The following RIPK4 variants were observed in gnomAD, a reference collection of about 807,000 sequenced individuals.
RIPK4 encodes receptor-interacting serine/threonine-protein kinase 4.
A neutral mutation model predicts 42.9 loss-of-function variants in RIPK4; 17 were observed. The observed-to-expected ratio is 0.40, with a 90% CI of 0.27 to 0.59. The LOEUF is 0.59. Among genes scored for constraint, RIPK4 ranks in the 20% least tolerant of loss-of-function variants. RIPK4 has a pLI of 0.47. For synonymous variants in RIPK4, 498 were observed against 499.1 expected, an observed-to-expected ratio of 1.00 and a Z score of 0.03; for missense variants, 897 against 1,104.4, an observed-to-expected ratio of 0.81 and a Z score of 2.66.
chr21:41,749,244 G>A lies in RIPK4; in HGVS notation c.624-41C>T, dbSNP rs182089882. 3.0e-5 allele frequency: 49 copies of A among 1,609,098 alleles called. No homozygotes were observed. In the African/African-American group the frequency reaches 5.1e-4, roughly 17 times the overall value. On this transcript the variant is annotated intron_variant, in intron 3 of 7. Transcript: ENST00000332512. The stretch of plus-strand genomic sequence containing the variant: ...GGCACGTTAGCATCTGACAGCCAGA[G>A]ACTCAAAGCCAAATGCACTCATGCA...
In RIPK4 at chr21:41,740,990, C is replaced by A; in HGVS notation, c.2203G>T (p.Gly735Trp). ...GCGGCCAGGTGCAGCGCGCTGAGCCCCTGCTCGTCGAACAGGTCAATGACA... is the reference window on the plus strand; with the variant it reads ...GCGGCCAGGTGCAGCGCGCTGAGCCACTGCTCGTCGAACAGGTCAATGACA... The part of the protein sequence containing the change: ...ADVIDLFDEQ[G>W]LSALHLAAQG... The change falls in exon 8 of 8, where the codon GGG becomes TGG. Residue 735 changes from glycine to tryptophan, a missense_variant. Transcript: ENST00000332512. 3.1e-6 allele frequency: 5 copies of A among 1,610,996 alleles called. No individual in the cohort carries two copies. The highest frequency in any genetic ancestry group is 3.4e-6 in the Non-Finnish European group (4 of 1,179,746).
chr21:41,766,166 G>A (rs116469528), intron 1 of RIPK4, among the ~76,000 whole-genome samples: 1,621 of 152,322 alleles, frequency 0.011, 25 homozygotes, highest in African/African-American at 0.035. Flanking sequence ...AGTGTGCGGC[G>A]AGGAAGCGCT....
In RIPK4 at chr21:41,746,593, G is replaced by T; in HGVS notation, c.832+20C>A. ...CTGTGACACCCACAGAATGTGGCGG[G>T]GAGACCCCGGGGTGCTCACCTTGGA... On this transcript the variant is annotated intron_variant, in intron 5 of 7. Transcript: ENST00000332512. 6.2e-7 allele frequency: 1 copy of T among 1,601,254 alleles called. No homozygotes were observed. The highest frequency in any genetic ancestry group is 8.5e-7 in the Non-Finnish European group (1 of 1,174,810).
chr21:41,757,805 C>A (rs147381309), intron 1 of RIPK4, among the ~76,000 whole-genome samples: 13,182 of 150,926 alleles, frequency 0.087, 884 homozygotes, highest in East Asian at 0.32. Context: ...TCGAGACCAG[C>A]CTGATCAACA....
At chr21:41,749,675 C>A (rs1301575625) in intron 3 of RIPK4, among the ~76,000 whole-genome samples, 2 of 152,148 alleles carry the variant, frequency 1.3e-5, no homozygotes, top group Admixed American at 6.5e-5. Context: ...GCGTTCCTAA[C>A]GTAGGCTTGC....
In RIPK4 at chr21:41,749,848, T is replaced by C. The variant is rs1414800094; in HGVS notation, c.624-645A>G. Among the ~76,000 whole-genome samples, 39 of 144,220 alleles carry C rather than the reference T, an allele frequency of 2.7e-4. No homozygotes were observed. The Admixed American group carries it at 2.8e-3, about 10-fold the overall frequency. The allele number at this position is 144,220 out of a possible 152,430, so 94.6% of individuals were successfully genotyped here. On this transcript the variant is annotated intron_variant, in intron 3 of 7. Coordinates refer to ENST00000332512, the MANE Select transcript of RIPK4 (RefSeq NM_020639.3). The stretch of plus-strand genomic sequence containing the variant: ...AGATAATATGAGGGATACGTTCATG[T>C]ACATTACTCTGGATACACCAAAAAA...
intron 2 of RIPK4, among the ~76,000 whole-genome samples, chr21:41,754,283 G>A (rs925563979): frequency 2.0e-5 from 3 of 152,124 alleles, no homozygotes; most frequent in Non-Finnish European, 2.9e-5. Flanking sequence ...TGCACTCTAC[G>A]CACACCAGTA....
chr21:41,750,718 TGCCCAGGCTG>T (rs2061186004), intron 3 of RIPK4, among the ~76,000 whole-genome samples: 1 of 152,194 alleles, frequency 6.6e-6, no homozygotes, highest in Non-Finnish European at 1.5e-5. Flanking sequence ...CGCGCTCTGT[TGCCCAGGCTG>T]GAATGCAGTG....
At chr21:41,745,667 G>A (rs1020821595) in intron 6 of RIPK4, 92 bp downstream of exon 6, 15 of 903,124 alleles carry the variant, frequency 1.7e-5, no homozygotes, top group East Asian at 2.4e-5. Context: ...AGAGTGGTCC[G>A]GGCGGCGGGG....
intron 2 of RIPK4, among the ~76,000 whole-genome samples, chr21:41,752,107 G>A (rs1049739290): frequency 1.4e-4 from 21 of 152,184 alleles, no homozygotes; most frequent in African/African-American, 5.1e-4. Flanking sequence ...GTGTAACTCA[G>A]TCCCCTTTGA....
At chr21:41,750,330 A>C (rs1477985403) in intron 3 of RIPK4, among the ~76,000 whole-genome samples, 1 of 152,224 alleles carries the variant, frequency 6.6e-6, no homozygotes, top group Non-Finnish European at 1.5e-5. Context: ...TGTGATTAAG[A>C]CCTTTACAAT....
At position 41,746,166 on chromosome 21, in the gene RIPK4, C is replaced by A. The variant is rs370920394; in HGVS notation, c.833-304G>T. The A allele has an allele frequency of 9.2e-6, 6 of 650,770 alleles. No individual in the cohort carries two copies. The East Asian group carries it at 1.9e-4, about 20-fold the overall frequency. The allele number at this position is 650,770 out of a possible 1,614,324, so 40.3% of individuals were successfully genotyped here. A position where few individuals can be genotyped will look rare whatever the true frequency, so the allele number is the denominator to read the frequency against. ...TGGCGGATGAGCTCCCCATTCAGCCCGTTTCCTGCCGTAAGCTTTAAATGC... is the reference window on the plus strand; with the variant it reads ...TGGCGGATGAGCTCCCCATTCAGCCAGTTTCCTGCCGTAAGCTTTAAATGC... On this transcript the variant is annotated intron_variant, in intron 5 of 7. Coordinates refer to ENST00000332512, the MANE Select transcript of RIPK4 (RefSeq NM_020639.3).
chr21:41,740,973 G>T lies in RIPK4; in HGVS notation c.2220C>A (p.His740Gln). 1 of 1,611,890 alleles carries T rather than the reference G, an allele frequency of 6.2e-7. No homozygotes were observed. Among genetic ancestry groups the T allele is most frequent in the Non-Finnish European group, 8.5e-7 (1 of 1,179,828 alleles). The part of the protein sequence containing the change: ...LFDEQGLSAL[H>Q]LAAQGRHAQT... Reference sequence around the variant, plus strand: ...GTGCGTGCCGGCCCTGGGCGGCCAGGTGCAGCGCGCTGAGCCCCTGCTCGT... The same window carrying T: ...GTGCGTGCCGGCCCTGGGCGGCCAGTTGCAGCGCGCTGAGCCCCTGCTCGT... The change falls in exon 8 of 8, where the codon CAC (histidine) becomes CAA (glutamine). Residue 740 changes from histidine to glutamine, a missense_variant. By Grantham distance (24) the His-to-Gln change is conservative (BLOSUM62 0). Transcript: ENST00000332512.
chr21:41,750,710 C>T (rs543552065), intron 3 of RIPK4, among the ~76,000 whole-genome samples: 13 of 152,266 alleles, frequency 8.5e-5, no homozygotes, highest in Middle Eastern at 6.8e-3. Context: ...GACAGGGTCG[C>T]GCTCTGTTGC....
chr21:41,765,893 T>G (rs1030643070), intron 1 of RIPK4, among the ~76,000 whole-genome samples: 4 of 152,112 alleles, frequency 2.6e-5, no homozygotes, highest in Non-Finnish European at 5.9e-5. Context: ...AACAAAGAGG[T>G]ACTGTTCAAG....
chr21:41,751,747 C>A lies in RIPK4; in HGVS notation c.475-502G>T, dbSNP rs1446070645. ...GCTGCAAGTCCTTTAAAGGGAAACA[C>A]AGAAACACACCTTCAGAAGCCCTTT... is the stretch of plus-strand genomic sequence containing the variant. On this transcript the variant is annotated intron_variant, in intron 2 of 7. Coordinates refer to ENST00000332512, the MANE Select transcript of RIPK4 (RefSeq NM_020639.3). The surrounding 1 kb of genome is among the most constrained non-coding windows in gnomAD (Gnocchi z 4.5). Among the ~76,000 whole-genome samples the A allele has an allele frequency of 6.6e-6, 1 of 152,198 alleles. No individual in the cohort carries two copies. Among genetic ancestry groups the A allele is most frequent in the African/African-American group, 2.4e-5 (1 of 41,456 alleles).
chr21:41,746,522 A>T, intron 5 of RIPK4, 91 bp downstream of exon 5: 4 of 1,483,878 alleles, frequency 2.7e-6, no homozygotes, highest in Non-Finnish European at 2.7e-6. Context: ...CTTGTTTCTC[A>T]CCCAGGCCTG....
intron 3 of RIPK4, among the ~76,000 whole-genome samples, chr21:41,750,571 C>A (rs572279288): frequency 6.6e-6 from 1 of 152,282 alleles, no homozygotes; most frequent in African/African-American, 2.4e-5. Flanking sequence ...GTCAGCCTGG[C>A]CCAAATGTGG....
intron 6 of RIPK4, among the ~76,000 whole-genome samples, chr21:41,745,001 A>G (rs2061166350): frequency 2.0e-5 from 3 of 152,092 alleles, no homozygotes; most frequent in Admixed American, 1.3e-4. Context: ...GGACGGCTCG[A>G]GGTCCCGCAC....
Sources: gnomAD v4.1 joint callset for allele counts (sites outside exome capture counted in the v4.1 genomes callset) on GRCh38, gnomAD v4.1.1 for gene constraint, Gnocchi (gnomAD v3.1) non-coding constraint, MANE v1.5 for transcripts, NCBI Gene and HGNC (gene_info 2026-07-23, HGNC 2026-07-21) for gene names.